CRPPA: variants seen among roughly 807,000 people sequenced by gnomAD.
The protein encoded by CRPPA is D-ribitol-5-phosphate cytidylyltransferase.
CRPPA carries 43 observed loss-of-function variants against 52.0 expected under a neutral mutation model. That is an observed-to-expected ratio of 0.83 (90% CI 0.65 to 1.07). The LOEUF (loss-of-function observed/expected upper bound fraction) is 1.07. Among genes scored for constraint, CRPPA ranks in the 50% least tolerant of loss-of-function variants. The probability of loss-of-function intolerance (pLI) is 0.00; values close to 1 mark genes in which losing one functional copy is unlikely to be tolerated. For synonymous variants in CRPPA, 250 were observed against 203.5 expected (o/e 1.23, Z -1.94); for missense variants, 629 against 551.7 (o/e 1.14, Z -1.40).
chr7:16,328,627 G>A lies in CRPPA; in HGVS notation c.685-20000C>T, dbSNP rs1029824716. On this transcript the variant is annotated intron_variant, in intron 3 of 9. Coordinates refer to ENST00000407010, the MANE Select transcript of CRPPA (RefSeq NM_001101426.4). ...CCTCCCAGGTTCAAGCGATTCTCCT[G>A]CCTCAGCCTCCCAAGTAGCTGGGAT... is the stretch of plus-strand genomic sequence containing the variant. Among the ~76,000 whole-genome samples, 9 of 152,180 alleles carry A rather than the reference G, an allele frequency of 5.9e-5. No homozygotes were observed. The East Asian group carries it at 1.7e-3, about 30-fold the overall frequency.
At chr7:16,185,515 G>C (rs1207899106) in intron 9 of CRPPA, among the ~76,000 whole-genome samples, 1 of 152,084 alleles carries the variant, frequency 6.6e-6, no homozygotes, top group Non-Finnish European at 1.5e-5. Flanking sequence ...GTGGCAATAG[G>C]CATAGAAAGA....
chr7:16,335,498 C>A (rs1277367990), intron 3 of CRPPA, among the ~76,000 whole-genome samples: 1 of 151,844 alleles, frequency 6.6e-6, no homozygotes, highest in African/African-American at 2.4e-5. Flanking sequence ...ATAACTGAAC[C>A]GAAAAATTTG....
chr7:16,386,750 G>C (rs187159595), intron 2 of CRPPA, among the ~76,000 whole-genome samples: 29 of 152,226 alleles, frequency 1.9e-4, no homozygotes, highest in African/African-American at 6.7e-4. Flanking sequence ...GCTGGGTACA[G>C]TGGCTCACAC....
intron 9 of CRPPA, among the ~76,000 whole-genome samples, chr7:16,094,851 G>A (rs1277929752): frequency 1.3e-5 from 2 of 152,046 alleles, no homozygotes; most frequent in Non-Finnish European, 2.9e-5. Flanking sequence ...CCTCAAAACT[G>A]TACAGGTCAT....
Position 16,089,249 on chromosome 7 carries a change from T to C in CRPPA, c.*2446A>G, listed in dbSNP as rs780765696. 20 of 366,620 alleles carry C rather than the reference T, an allele frequency of 5.5e-5. No homozygotes were observed. The highest frequency in any genetic ancestry group is 3.8e-4 in the South Asian group (20 of 52,230). 22.7% of individuals were successfully genotyped at this position (366,620 alleles called of 1,614,324 possible). A position where few individuals can be genotyped will look rare whatever the true frequency, so the allele number is the denominator to read the frequency against. On this transcript the variant is annotated 3_prime_UTR_variant, in exon 10 of 10. Coordinates refer to ENST00000407010, the MANE Select transcript of CRPPA (RefSeq NM_001101426.4). ...GTGTATGCGTACGTATATACATATATGTGTGTATGCGTACGTATATACATA... is the reference window on the plus strand; with the variant it reads ...GTGTATGCGTACGTATATACATATACGTGTGTATGCGTACGTATATACATA...
intron 1 of CRPPA, among the ~76,000 whole-genome samples, chr7:16,411,481 C>T (rs899816389): frequency 6.6e-6 from 1 of 151,826 alleles, no homozygotes; most frequent in African/African-American, 2.4e-5. Flanking sequence ...CTTATAATTT[C>T]TTGTAACTCA....
intron 8 of CRPPA, among the ~76,000 whole-genome samples, chr7:16,252,713 C>T (rs995291838): frequency 6.6e-6 from 1 of 152,064 alleles, no homozygotes; most frequent in South Asian, 2.1e-4. Flanking sequence ...TGGTAGAATT[C>T]GGCTGTGAAT....
At chr7:16,213,749 CAAA>C (rs11454459) in intron 9 of CRPPA, among the ~76,000 whole-genome samples, 1 of 131,924 alleles carries the variant, frequency 7.6e-6, no homozygotes, top group Non-Finnish European at 1.7e-5. Flanking sequence ...AACTTCGGCT[CAAA>C]AAAAAAAAAA....
At chr7:16,144,128 C>G (rs1782925923) in intron 9 of CRPPA, among the ~76,000 whole-genome samples, 1 of 152,148 alleles carries the variant, frequency 6.6e-6, no homozygotes, top group Non-Finnish European at 1.5e-5. Flanking sequence ...ATGACAAGCC[C>G]ACAGACCTTG....
intron 8 of CRPPA, among the ~76,000 whole-genome samples, chr7:16,226,753 T>C (rs1460786506): frequency 6.6e-6 from 1 of 151,952 alleles, no homozygotes; most frequent in East Asian, 1.9e-4. Context: ...ACATTAGTTA[T>C]GGAATGACTA....
chr7:16,254,734 TAAGA>T (rs1783567747), intron 8 of CRPPA, among the ~76,000 whole-genome samples: 3 of 100,952 alleles, frequency 3.0e-5, no homozygotes, highest in South Asian at 2.9e-4. Flanking sequence ...TCTTAAAGTA[TAAGA>T]AAGAAAGACA....
intron 3 of CRPPA, among the ~76,000 whole-genome samples, chr7:16,349,175 C>T (rs1786087532): frequency 6.6e-6 from 1 of 152,152 alleles, no homozygotes; most frequent in Non-Finnish European, 1.5e-5. Context: ...TCTAGAGGGT[C>T]TTGGCTTCTA....
chr7:16,338,832 T>C (rs985323755), intron 3 of CRPPA, among the ~76,000 whole-genome samples: 3 of 118,918 alleles, frequency 2.5e-5, no homozygotes, highest in Non-Finnish European at 5.4e-5. Flanking sequence ...TTTTTTTTTT[T>C]TGAGACAGAG....
chr7:16,361,078 T>C (rs1786431145), intron 3 of CRPPA, among the ~76,000 whole-genome samples: 1 of 152,134 alleles, frequency 6.6e-6, no homozygotes, highest in Non-Finnish European at 1.5e-5. Context: ...CCCAAGAAGA[T>C]ATATAAAAAT....
At chr7:16,307,412 T>C (rs972304130) in intron 4 of CRPPA, among the ~76,000 whole-genome samples, 8 of 152,004 alleles carry the variant, frequency 5.3e-5, no homozygotes, top group Non-Finnish European at 1.2e-4. Context: ...CCAGGTGTGG[T>C]GGCTCACACC....
chr7:16,169,128 A>T (rs186389755), intron 9 of CRPPA, among the ~76,000 whole-genome samples: 1 of 152,354 alleles, frequency 6.6e-6, no homozygotes, highest in East Asian at 1.9e-4. Context: ...TAAATAAAAA[A>T]TATCATGGAA....
At chr7:16,286,557 C>CAACA (rs1325445669) in intron 5 of CRPPA, among the ~76,000 whole-genome samples, 1 of 40,058 alleles carries the variant, frequency 2.5e-5, no homozygotes, top group African/African-American at 2.8e-4. Flanking sequence ...ATACCTTACT[C>CAACA]ATCAATTCCT....
intron 3 of CRPPA, among the ~76,000 whole-genome samples, chr7:16,335,599 A>T (rs1003726286): frequency 6.6e-6 from 1 of 152,218 alleles, no homozygotes; most frequent in Non-Finnish European, 1.5e-5. Flanking sequence ...ATAACAACAA[A>T]GAGAGAAAAG....
At chr7:16,234,854 A>G (rs2128404153) in intron 8 of CRPPA, among the ~76,000 whole-genome samples, 1 of 152,092 alleles carries the variant, frequency 6.6e-6, no homozygotes, top group South Asian at 2.1e-4. Context: ...TTTTAAGGAG[A>G]GTTTGGCAAG....
Sources: gnomAD v4.1 joint callset for allele counts (sites outside exome capture counted in the v4.1 genomes callset) on GRCh38, gnomAD v4.1.1 for gene constraint, MANE v1.5 for transcripts, NCBI Gene and HGNC (gene_info 2026-07-23, HGNC 2026-07-21) for gene names.